Variants in MAP2 observed in about 807,000 individuals in gnomAD.
MAP2 encodes microtubule-associated protein 2.
Under a neutral mutation model 137.6 loss-of-function variants are expected in MAP2, and 14 were observed. The ratio of observed to expected loss-of-function variants is 0.10; its 90% CI spans 0.07 to 0.16. The LOEUF (loss-of-function observed/expected upper bound fraction) is 0.16. Among genes scored for constraint, MAP2 ranks in the 10% least tolerant of loss-of-function variants. The pLI is 1.00. For synonymous variants in MAP2, 786 were observed against 782.3 expected, an observed-to-expected ratio of 1.00 and a Z score of -0.08; for missense variants, 2,088 against 2,191.5, an observed-to-expected ratio of 0.95 and a Z score of 0.94.
chr2:209,544,185 A>C (rs2067568628), intron 2 of MAP2, among the ~76,000 whole-genome samples: 1 of 151,922 alleles, frequency 6.6e-6, no homozygotes, highest in Admixed American at 6.6e-5. Context: ...GTGAGCTGAG[A>C]TCACACCACT....
intron 2 of MAP2, among the ~76,000 whole-genome samples, chr2:209,524,339 A>C (rs761737397): frequency 2.1e-4 from 32 of 149,158 alleles, no homozygotes; most frequent in East Asian, 9.8e-4. Context: ...TCTTTTTTTT[A>C]TTTTTAACAC....
chr2:209,574,602 T>G (rs973506351), intron 2 of MAP2, among the ~76,000 whole-genome samples: 1 of 152,212 alleles, frequency 6.6e-6, no homozygotes, highest in African/African-American at 2.4e-5. Flanking sequence ...CCCGCATCCA[T>G]GTATAGCTTC....
intron 3 of MAP2, among the ~76,000 whole-genome samples, chr2:209,618,631 A>G (rs572197774): frequency 3.3e-5 from 5 of 152,290 alleles, no homozygotes; most frequent in South Asian, 4.1e-4. Context: ...AAGACAATAT[A>G]TAAGTGTTGG....
chr2:209,486,949 T>G (rs2058464184), intron 1 of MAP2, among the ~76,000 whole-genome samples: 1 of 152,208 alleles, frequency 6.6e-6, no homozygotes, highest in South Asian at 2.1e-4. Context: ...ACCCTAACTT[T>G]TGCTGCAGCT....
intron 1 of MAP2, among the ~76,000 whole-genome samples, chr2:209,471,045 A>T (rs928535983): frequency 6.6e-6 from 1 of 152,146 alleles, no homozygotes; most frequent in African/African-American, 2.4e-5. Context: ...TGGTACAAAG[A>T]CAAATCTTTC....
At chr2:209,549,665 G>A (rs2068776107) in intron 2 of MAP2, among the ~76,000 whole-genome samples, 1 of 152,162 alleles carries the variant, frequency 6.6e-6, no homozygotes, top group Admixed American at 6.5e-5. Context: ...CTTCTCTGCA[G>A]CTACTGTGTA....
intron 3 of MAP2, among the ~76,000 whole-genome samples, chr2:209,599,112 G>A (rs978044156): frequency 5.3e-5 from 8 of 152,222 alleles, no homozygotes; most frequent in African/African-American, 1.9e-4. Context: ...AGCACCTGTT[G>A]TTTCCTGACT....
Position 209,603,125 on chromosome 2 carries a change from C to T in MAP2, c.-106-21928C>T, listed in dbSNP as rs1286545775. 4.6e-5 allele frequency among the ~76,000 whole-genome samples: 7 copies of T among 152,232 alleles called. No individual in the cohort carries two copies. The South Asian group carries it at 1.0e-3, about 23-fold the overall frequency. On this transcript the variant is annotated intron_variant, in intron 3 of 15. Transcript: ENST00000682079. ...TTAGCTGCAGTCCAGAGTCAAACTG[C>T]CCTTAAGCTTGGAGAGAAGAATAGT...
At chr2:209,501,663 A>G (rs1392261755) in intron 1 of MAP2, among the ~76,000 whole-genome samples, 1 of 152,204 alleles carries the variant, frequency 6.6e-6, no homozygotes, top group Non-Finnish European at 1.5e-5. Flanking sequence ...TTAGCAAAAT[A>G]CTACACAAAA....
At chr2:209,679,696 G>A (rs181801275) in intron 6 of MAP2, among the ~76,000 whole-genome samples, 1 of 151,906 alleles carries the variant, frequency 6.6e-6, no homozygotes, top group Non-Finnish European at 1.5e-5. Flanking sequence ...TTTCAGTACT[G>A]TGGGTTTTTT....
intron 3 of MAP2, among the ~76,000 whole-genome samples, chr2:209,587,072 G>A (rs537854949): frequency 6.6e-6 from 1 of 152,076 alleles, no homozygotes; most frequent in African/African-American, 2.4e-5. Flanking sequence ...AATGAATTTC[G>A]GTGGCTTGTG....
At chr2:209,703,494 TAG>T (rs1363707540) in intron 11 of MAP2, among the ~76,000 whole-genome samples, 2 of 152,090 alleles carry the variant, frequency 1.3e-5, no homozygotes, top group African/African-American at 4.8e-5. Flanking sequence ...ATGAATTAAT[TAG>T]AGACTATATA....
intron 1 of MAP2, among the ~76,000 whole-genome samples, chr2:209,444,837 AG>A (rs1218503157): frequency 1.3e-5 from 2 of 151,526 alleles, no homozygotes; most frequent in Non-Finnish European, 3.0e-5. Flanking sequence ...TTTTAAAAAT[AG>A]TATATTTTTA....
chr2:209,691,142 C>CT lies in MAP2; in HGVS notation c.455-1483_455-1482insT, dbSNP rs200701387. Among the ~76,000 whole-genome samples, 3 of 119,932 alleles carry CT rather than the reference C, an allele frequency of 2.5e-5. 1 individual carries two copies. In the East Asian group the frequency reaches 9.7e-4, roughly 39 times the overall value. 78.7% of individuals were successfully genotyped at this position (119,932 alleles called of 152,430 possible). ...TTTTTTTATTTTATTTTTTTACCCG[C>CT]CCCCCCTCATCTCAAATGTTTGCCA... On this transcript the variant is annotated intron_variant, in intron 7 of 15. Transcript: ENST00000682079.
chr2:209,472,884 C>T (rs1706138809), intron 1 of MAP2, among the ~76,000 whole-genome samples: 1 of 152,172 alleles, frequency 6.6e-6, no homozygotes, highest in Non-Finnish European at 1.5e-5. Flanking sequence ...CTAGTCAAGT[C>T]TGTCTTATAG....
intron 1 of MAP2, among the ~76,000 whole-genome samples, chr2:209,455,829 C>A (rs1198661144): frequency 6.6e-6 from 1 of 152,130 alleles, no homozygotes; most frequent in Non-Finnish European, 1.5e-5. Flanking sequence ...GGCTCTACAC[C>A]TTACTGACTG....
At chr2:209,523,400 AT>A in intron 2 of MAP2, among the ~76,000 whole-genome samples, 1 of 152,062 alleles carries the variant, frequency 6.6e-6, no homozygotes, top group Non-Finnish European at 1.5e-5. Context: ...TCTTACTCTC[AT>A]TGCTGTTGTT....
intron 2 of MAP2, among the ~76,000 whole-genome samples, chr2:209,564,334 G>A (rs1353816154): frequency 6.6e-6 from 1 of 152,012 alleles, no homozygotes; most frequent in Admixed American, 6.6e-5. Flanking sequence ...GTATGTACAA[G>A]AGGCAAATAC....
chr2:209,621,257 A>ATTTTTT (rs1186032597), intron 3 of MAP2, among the ~76,000 whole-genome samples: 1 of 125,124 alleles, frequency 8.0e-6, no homozygotes, highest in South Asian at 3.1e-4. Context: ...AGGCATCTTG[A>ATTTTTT]TTTTTTTTTT....
Sources: gnomAD v4.1 joint callset for allele counts (sites outside exome capture counted in the v4.1 genomes callset) on GRCh38, gnomAD v4.1.1 for gene constraint, MANE v1.5 for transcripts, NCBI Gene and HGNC (gene_info 2026-07-23, HGNC 2026-07-21) for gene names.